OTOF: variants seen among roughly 807,000 people sequenced by gnomAD.
OTOF encodes fer-1-like family member 2.
A neutral mutation model predicts 236.8 loss-of-function variants in OTOF; 218 were observed. The ratio of observed to expected loss-of-function variants is 0.92; its 90% confidence interval spans 0.82 to 1.03. OTOF has a LOEUF of 1.03. OTOF is among the 50% of genes least tolerant of loss of function. OTOF has a pLI of 0.00. For missense variants in OTOF, 2,590 were observed against 2,694.4 expected, an observed-to-expected ratio of 0.96 and a Z score of 0.86; for synonymous variants, 1,041 against 1,072.5, an observed-to-expected ratio of 0.97 and a Z score of 0.57.
intron 32 of OTOF, 82 bp from the exon 33 acceptor site, chr2:26,468,556 A>G: frequency 1.0e-6 from 1 of 961,250 alleles, no homozygotes; most frequent in Non-Finnish European, 1.7e-6. Context: ...GGCCCAGACC[A>G]GTCTTAATGC....
chr2:26,546,761 T>A (rs563775306), intron 1 of OTOF, among the ~76,000 whole-genome samples: 35 of 152,010 alleles, frequency 2.3e-4, no homozygotes, highest in East Asian at 1.3e-3. Context: ...TTTTTTTTTT[T>A]TTATTTCTCT....
chr2:26,477,900 GTCA>G lies in OTOF; in HGVS notation c.2215-154_2215-152del. 6.5e-7 allele frequency: 1 copy of G among 1,537,004 alleles called. No individual in the cohort carries two copies. Among genetic ancestry groups the G allele is most frequent in the Admixed American group, 2.0e-5 (1 of 49,364 alleles). ...CCTGAGTATCGGTCATCATGAGGAA[GTCA>G]TCAATTTCCCAGGTTCTGTTCTCAG... is the stretch of plus-strand genomic sequence containing the variant. On this transcript the variant is annotated intron_variant, in intron 18 of 46. Coordinates refer to ENST00000272371, the MANE Select transcript of OTOF (RefSeq NM_194248.3). This position sits in a 1 kb window ranked among gnomAD's most constrained non-coding sequence, Gnocchi z 4.7.
At chr2:26,479,407 G>T in intron 17 of OTOF, 23 bp from the exon 18 acceptor site, 1 of 1,611,146 alleles carries the variant, frequency 6.2e-7, no homozygotes, top group Non-Finnish European at 8.5e-7. Flanking sequence ...GAGGCGGGAG[G>T]TGAGGTCTTG....
At chr2:26,534,115 G>T (rs1275474088) in intron 2 of OTOF, among the ~76,000 whole-genome samples, 1 of 152,184 alleles carries the variant, frequency 6.6e-6, no homozygotes, top group Non-Finnish European at 1.5e-5. Flanking sequence ...TTTAAATCCT[G>T]TTGTGGCTCC....
intron 1 of OTOF, among the ~76,000 whole-genome samples, chr2:26,556,128 C>T (rs1186436335): frequency 1.3e-5 from 2 of 152,216 alleles, no homozygotes; most frequent in Admixed American, 6.5e-5. Flanking sequence ...ATGGGCACAG[C>T]TCACCAAGGG....
intron 23 of OTOF, 24 bp from the exon 24 acceptor site, chr2:26,476,062 T>G: frequency 6.2e-7 from 1 of 1,611,972 alleles, no homozygotes; most frequent in Non-Finnish European, 8.5e-7. Context: ...CAGCCTGAGG[T>G]TCCAGGATGG....
In OTOF at chr2:26,521,213, T is replaced by G. The variant is rs576435624; in HGVS notation, c.228-2104A>C. Among the ~76,000 whole-genome samples, 6 of 152,332 alleles carry G rather than the reference T, an allele frequency of 3.9e-5. No homozygotes were observed. The East Asian group carries it at 9.6e-4, about 24-fold the overall frequency. The stretch of plus-strand genomic sequence containing the variant: ...GACACTTTGAGAATCCCTGCTCTAC[T>G]ATTACCCTTTGTGGATGGCTATTCA... On this transcript the variant is annotated intron_variant, in intron 3 of 46. Coordinates refer to ENST00000272371, the MANE Select transcript of OTOF (RefSeq NM_194248.3).
chr2:26,531,572 C>T (rs1385021665), intron 2 of OTOF, among the ~76,000 whole-genome samples: 4 of 152,188 alleles, frequency 2.6e-5, no homozygotes, highest in Non-Finnish European at 4.4e-5. Flanking sequence ...TCCCCTTCGC[C>T]GCCATCACTT....
chr2:26,461,659 C>T lies in OTOF; in HGVS notation c.5533+37G>A. On this transcript the variant is annotated intron_variant, in intron 43 of 46. Coordinates refer to ENST00000272371, the MANE Select transcript of OTOF (RefSeq NM_194248.3). This position sits in a 1 kb window ranked among gnomAD's most constrained non-coding sequence, Gnocchi z 6.2. ...ACCCGGCCCCTGCCTCTTCTCAGTT[C>T]TGGATCCTGAACCCCCATCCCTGCC... 1 of 1,612,114 alleles carries T rather than the reference C, an allele frequency of 6.2e-7. No individual in the cohort carries two copies. Among genetic ancestry groups the T allele is most frequent in the Non-Finnish European group, 8.5e-7 (1 of 1,179,958 alleles).
intron 4 of OTOF, among the ~76,000 whole-genome samples, chr2:26,518,291 C>T (rs887656929): frequency 2.0e-5 from 3 of 152,180 alleles, no homozygotes; most frequent in African/African-American, 4.8e-5. Flanking sequence ...TCCTTTAATC[C>T]TCAGAATAGT....
chr2:26,476,507 C>T (rs183809378), intron 22 of OTOF, among the ~76,000 whole-genome samples, 190 bp from the exon 23 acceptor site: 1 of 129,132 alleles, frequency 7.7e-6, no homozygotes, highest in East Asian at 2.2e-4. Context: ...CACCCCTTCC[C>T]CCACCTCCTT....
rs1401417668 is a variant in OTOF at position 26,460,580 on chromosome 2, G to A, written c.5813+67C>T. The stretch of plus-strand genomic sequence containing the variant: ...GGAAGAGATGGGGTGTCTGGGGATC[G>A]TCTCCTTCCTGTTCCAGCGCCTCCA... On this transcript the variant is annotated intron_variant, in intron 45 of 46. Transcript: ENST00000272371. The surrounding 1 kb of genome is among the most constrained non-coding windows in gnomAD (Gnocchi z 5.3). 50 of 1,256,226 alleles carry A rather than the reference G, an allele frequency of 4.0e-5. No homozygotes were observed. The highest frequency in any genetic ancestry group is 1.2e-4 in the Admixed American group (7 of 56,104). The allele number at this position is 1,256,226 out of a possible 1,614,324, so 77.8% of individuals were successfully genotyped here. A position where few individuals can be genotyped will look rare whatever the true frequency, so the allele number is the denominator to read the frequency against.
rs768744355 is a variant in OTOF at position 26,527,895 on chromosome 2, C to A, written c.164G>T (p.Ser55Ile). 1.9e-6 allele frequency: 3 copies of A among 1,614,082 alleles called. No homozygotes were observed. The East Asian group carries it at 6.7e-5, about 36-fold the overall frequency. ...DETFRWPVAS[S>I]IDRNEMLEIQ... ...CTCCAGCATCTCATTTCTGTCGATGCTGCTGGCCACCGGCCACCGAAATGT... is the reference window on the plus strand; with the variant it reads ...CTCCAGCATCTCATTTCTGTCGATGATGCTGGCCACCGGCCACCGAAATGT... Residue 55 changes from serine to isoleucine, a missense_variant, in exon 3 of 47, where the codon AGC becomes ATC. Physicochemically the swap from Ser to Ile is moderately radical, Grantham distance 142. This residue lies in a region of OTOF where 1,379 missense variants were observed against 1,341.6 expected (regional missense o/e 1.03). Transcript: ENST00000272371.
At chr2:26,504,838 C>T (rs1473687503) in intron 5 of OTOF, among the ~76,000 whole-genome samples, 1 of 152,198 alleles carries the variant, frequency 6.6e-6, no homozygotes, top group African/African-American at 2.4e-5. Context: ...TCTCCCTCCT[C>T]CTGGGTATGG....
chr2:26,488,190 A>G (rs1178505141), intron 11 of OTOF, among the ~76,000 whole-genome samples: 1 of 152,220 alleles, frequency 6.6e-6, no homozygotes, highest in Non-Finnish European at 1.5e-5. Context: ...CTACTAGTTT[A>G]GTGGTATCTC....
Position 26,506,534 on chromosome 2 carries a change from G to T in OTOF, c.510-2689C>A, listed in dbSNP as rs1488428096. Among the ~76,000 whole-genome samples, 7 of 152,324 alleles carry T rather than the reference G, an allele frequency of 4.6e-5. No individual in the cohort carries two copies. In the East Asian group the frequency reaches 1.2e-3, roughly 25 times the overall value. ...TCTGGCCCTGCTGCCTGAGTCCCGGGGGGAGTGCAAGGTAGCAAGAAATAG... is the reference window on the plus strand; with the variant it reads ...TCTGGCCCTGCTGCCTGAGTCCCGGTGGGAGTGCAAGGTAGCAAGAAATAG... On this transcript the variant is annotated intron_variant, in intron 5 of 46. Transcript: ENST00000272371.
In OTOF at chr2:26,527,816, C is replaced by G. The variant is rs768354930; in HGVS notation, c.227+16G>C. The stretch of plus-strand genomic sequence containing the variant: ...CCCGTCCAGGCCCAGCCCCTCCTGC[C>G]CCATCCCACACTTACTTGTTGCTGA... On this transcript the variant is annotated intron_variant, in intron 3 of 46. Coordinates refer to ENST00000272371, the MANE Select transcript of OTOF (RefSeq NM_194248.3). 2 of 1,585,170 alleles carry G rather than the reference C, an allele frequency of 1.3e-6. No individual in the cohort carries two copies. Among genetic ancestry groups the G allele is most frequent in the Non-Finnish European group, 1.7e-6 (2 of 1,153,518 alleles).
At chr2:26,466,120 G>T in intron 36 of OTOF, 44 bp from the exon 37 acceptor site, 1 of 1,612,998 alleles carries the variant, frequency 6.2e-7, no homozygotes, top group Admixed American at 1.7e-5. Flanking sequence ...CCCATGCCCT[G>T]CTCATCTTCA....
chr2:26,462,331 G>A lies in OTOF; in HGVS notation c.5193-150C>T. The A allele has an allele frequency of 1.4e-6, 1 of 733,986 alleles. No individual in the cohort carries two copies. The highest frequency in any genetic ancestry group is 2.6e-5 in the East Asian group (1 of 37,996). 45.5% of individuals were successfully genotyped at this position (733,986 alleles called of 1,614,324 possible). ...GGCTGGGGCTGGAGGAGTGGTTTGGGGTTGGGGGAGCAGAGGCATGAGTGA... is the reference window on the plus strand; with the variant it reads ...GGCTGGGGCTGGAGGAGTGGTTTGGAGTTGGGGGAGCAGAGGCATGAGTGA... On this transcript the variant is annotated intron_variant, in intron 41 of 46. Transcript: ENST00000272371. This position sits in a 1 kb window ranked among gnomAD's most constrained non-coding sequence, Gnocchi z 4.7.
Sources: allele counts gnomAD v4.1 joint callset (sites outside exome capture counted in the v4.1 genomes callset), GRCh38; gene constraint gnomAD v4.1.1; regional missense constraint gnomAD v4.1.1; non-coding constraint Gnocchi (gnomAD v3.1); transcripts MANE v1.5; gene names NCBI Gene and HGNC (gene_info 2026-07-23, HGNC 2026-07-21).